The following MFSD6 variants were observed in gnomAD, a reference collection of about 807,000 sequenced individuals.
The protein encoded by MFSD6 is major facilitator superfamily domain-containing protein 6.
In MFSD6, 26 loss-of-function variants were observed where a neutral mutation model predicts 56.3. The observed-to-expected ratio is 0.46, with a 90% CI of 0.34 to 0.64. The LOEUF (loss-of-function observed/expected upper bound fraction) is 0.64. Ranked by LOEUF, MFSD6 falls within the 30% of genes least tolerant of loss-of-function variation. The pLI, the probability that MFSD6 is intolerant of heterozygous loss-of-function variation, is 0.01. For synonymous variants in MFSD6, 331 were observed against 366.9 expected (o/e 0.90, Z 1.12); for missense variants, 750 against 986.2 (o/e 0.76, Z 3.21).
chr2:190,437,299 C>A lies in MFSD6; in HGVS notation c.1270C>A (p.Pro424Thr). 1 of 1,614,256 alleles carries A rather than the reference C, an allele frequency of 6.2e-7. No homozygotes were observed. Among genetic ancestry groups the A allele is most frequent in the Non-Finnish European group, 8.5e-7 (1 of 1,180,046 alleles). The change falls in exon 3 of 8, where the codon CCA becomes ACA. Residue 424 changes from proline to threonine, a missense_variant. By Grantham distance (38) the Pro-to-Thr change is conservative (BLOSUM62 -1). Transcript: ENST00000392328. The surrounding 1 kb of genome is among the most constrained non-coding windows in gnomAD (Gnocchi z 5.9). ...CTCTACAGAGTCCTCTGAGGAGACACCAACCACCACAAGCCACTCGCAGGC... is the reference window on the plus strand; with the variant it reads ...CTCTACAGAGTCCTCTGAGGAGACAACAACCACCACAAGCCACTCGCAGGC... ...NNSTESSEET[P>T]TTTSHSQAFN...
At position 190,436,409 on chromosome 2, in the gene MFSD6, G is replaced by C. The variant is rs779381360; in HGVS notation, c.380G>C (p.Arg127Pro). 1 of 1,613,942 alleles carries C rather than the reference G, an allele frequency of 6.2e-7. No individual in the cohort carries two copies. Among genetic ancestry groups the C allele is most frequent in the Non-Finnish European group, 8.5e-7 (1 of 1,179,998 alleles). The change falls in exon 3 of 8, where the codon CGC becomes CCC. Residue 127 changes from arginine (R) to proline (P), a missense_variant. This residue lies in a region of MFSD6 where 376 missense variants were observed against 437.9 expected (regional missense o/e 0.86). Coordinates refer to ENST00000392328, the MANE Select transcript of MFSD6 (RefSeq NM_017694.4). The surrounding 1 kb of genome is among the most constrained non-coding windows in gnomAD (Gnocchi z 5.3). ...SAPFWGVVAD[R>P]FKKGKIVLLF... ...CCCTTTTGGGGTGTAGTTGCAGACC[G>C]CTTTAAAAAAGGCAAAATTGTCCTC...
At position 190,461,109 on chromosome 2, in the gene MFSD6, A is replaced by G. The variant is rs1372666239; in HGVS notation, c.1533-8649A>G. Among the ~76,000 whole-genome samples the G allele has an allele frequency of 6.6e-6, 1 of 152,254 alleles. No homozygotes were observed. Among genetic ancestry groups the G allele is most frequent in the East Asian group, 1.9e-4 (1 of 5,204 alleles). On this transcript the variant is annotated intron_variant, in intron 3 of 7. Transcript: ENST00000392328. The surrounding 1 kb of genome is among the most constrained non-coding windows in gnomAD (Gnocchi z 5.5). ...CAATCTCCCAAGAGTTTCAAAAGAA[A>G]GGAATAATTTAAATATGAACTTAGC...
rs1686640809 is a variant in MFSD6 at position 190,447,863 on chromosome 2, A to C, written c.1532+10302A>C. Among the ~76,000 whole-genome samples the C allele has an allele frequency of 6.6e-6, 1 of 152,248 alleles. No homozygotes were observed. Among genetic ancestry groups the C allele is most frequent in the Non-Finnish European group, 1.5e-5 (1 of 68,040 alleles). ...TTGGTTTTTATCATCCCTTGAAAAG[A>C]ACATCTTTGCAAAGAAATATCTTAC... On this transcript the variant is annotated intron_variant, in intron 3 of 7. Transcript: ENST00000392328. This position sits in a 1 kb window ranked among gnomAD's most constrained non-coding sequence, Gnocchi z 4.5.
rs1179465401 is a variant in MFSD6 at position 190,415,066 on chromosome 2, T to C, written c.-175-226T>C. Among the ~76,000 whole-genome samples the C allele has an allele frequency of 2.6e-5, 4 of 152,236 alleles. No individual in the cohort carries two copies. The highest frequency in any genetic ancestry group is 2.1e-4 in the South Asian group (1 of 4,832). The stretch of plus-strand genomic sequence containing the variant: ...CCATAACTTATTTAACTGTCCTTAT[T>C]ATTGATCACTTACTTTGTTTCAGTT... On this transcript the variant is annotated intron_variant, in intron 1 of 7. Coordinates refer to ENST00000392328, the MANE Select transcript of MFSD6 (RefSeq NM_017694.4). This position sits in a 1 kb window ranked among gnomAD's most constrained non-coding sequence, Gnocchi z 4.5.
At position 190,412,728 on chromosome 2, in the gene MFSD6, C is replaced by A; in HGVS notation, c.-175-2564C>A. On this transcript the variant is annotated intron_variant, in intron 1 of 7. Coordinates refer to ENST00000392328, the MANE Select transcript of MFSD6 (RefSeq NM_017694.4). This position sits in a 1 kb window ranked among gnomAD's most constrained non-coding sequence, Gnocchi z 4.1. The stretch of plus-strand genomic sequence containing the variant: ...ACTGGCATTTTGGGGGTGAGAGGGG[C>A]TTGTGTCAGCCTGATTTGTTTTCCT... 1.9e-6 allele frequency: 1 copy of A among 533,372 alleles called. No homozygotes were observed. Among genetic ancestry groups the A allele is most frequent in the Non-Finnish European group, 2.4e-6 (1 of 417,188 alleles). 33.0% of individuals were successfully genotyped at this position (533,372 alleles called of 1,614,324 possible).
At position 190,498,588 on chromosome 2, in the gene MFSD6, T is replaced by C. The variant is rs1689841541; in HGVS notation, c.2172+869T>C. On this transcript the variant is annotated intron_variant, in intron 7 of 7. Transcript: ENST00000392328. This position sits in a 1 kb window ranked among gnomAD's most constrained non-coding sequence, Gnocchi z 5.9. ...TTACTGATAACCATATGCATGCTAG[T>C]CCATGCATGATCCTATTTATTAATT... is the stretch of plus-strand genomic sequence containing the variant. 6.6e-6 allele frequency among the ~76,000 whole-genome samples: 1 copy of C among 152,194 alleles called. No individual in the cohort carries two copies. The highest frequency in any genetic ancestry group is 1.5e-5 in the Non-Finnish European group (1 of 68,030).
intron 3 of MFSD6, among the ~76,000 whole-genome samples, chr2:190,453,332 AAT>A (rs1686851455): frequency 1.3e-5 from 2 of 152,006 alleles, no homozygotes; most frequent in Non-Finnish European, 2.9e-5. Flanking sequence ...GAACTTGTGG[AAT>A]TTCTATGAGA....
chr2:190,472,946 G>A (rs1250104118), intron 4 of MFSD6, among the ~76,000 whole-genome samples: 3 of 152,132 alleles, frequency 2.0e-5, no homozygotes, highest in Non-Finnish European at 4.4e-5. Flanking sequence ...ATTCTTAAAG[G>A]AAAGAATTTT....
intron 3 of MFSD6, among the ~76,000 whole-genome samples, chr2:190,455,606 C>T (rs1485945688): frequency 6.6e-6 from 1 of 152,068 alleles, no homozygotes; most frequent in Non-Finnish European, 1.5e-5. Context: ...GCTTATCCTT[C>T]CTGTTTCAGA....
At chr2:190,455,255 ATTACTATTAAG>A (rs1190345254) in intron 3 of MFSD6, among the ~76,000 whole-genome samples, 1 of 146,712 alleles carries the variant, frequency 6.8e-6, no homozygotes, top group African/African-American at 2.6e-5. Flanking sequence ...GACTTTCATT[ATTACTATTAAG>A]TTATTCATAG....
At chr2:190,429,846 C>CT (rs892998390) in intron 2 of MFSD6, among the ~76,000 whole-genome samples, 3 of 151,138 alleles carry the variant, frequency 2.0e-5, no homozygotes, top group African/African-American at 2.4e-5. Context: ...TGCTCTTGTT[C>CT]TTTTTTTTTC....
At chr2:190,449,231 T>G (rs989356036) in intron 3 of MFSD6, among the ~76,000 whole-genome samples, 7 of 152,332 alleles carry the variant, frequency 4.6e-5, no homozygotes, top group African/African-American at 7.2e-5. Context: ...CCCAGCACTT[T>G]GGCAGGCTGA....
rs1490935920 is a variant in MFSD6, at chr2:190,485,095, A to C, written c.1631-3562A>C. Among the ~76,000 whole-genome samples, 1 of 152,198 alleles carries C rather than the reference A, an allele frequency of 6.6e-6. No individual in the cohort carries two copies. The highest frequency in any genetic ancestry group is 1.9e-4 in the East Asian group (1 of 5,204). Reference sequence around the variant, plus strand: ...TCAGTAAATTCTAAGAATAGTTTAAAAGCATCCTGACTTAAGTCATCCCAC... The same window carrying C: ...TCAGTAAATTCTAAGAATAGTTTAACAGCATCCTGACTTAAGTCATCCCAC... On this transcript the variant is annotated intron_variant, in intron 4 of 7. Transcript: ENST00000392328. The surrounding 1 kb of genome is among the most constrained non-coding windows in gnomAD (Gnocchi z 5.1).
At chr2:190,464,578 T>C (rs544250769) in intron 3 of MFSD6, among the ~76,000 whole-genome samples, 1 of 152,308 alleles carries the variant, frequency 6.6e-6, no homozygotes, top group South Asian at 2.1e-4. Context: ...GATTCTATGG[T>C]GAACCCTTGT....
In MFSD6 at chr2:190,485,423, C is replaced by T. The variant is rs1298082171; in HGVS notation, c.1631-3234C>T. Among the ~76,000 whole-genome samples the T allele has an allele frequency of 1.3e-5, 2 of 152,030 alleles. No homozygotes were observed. Among genetic ancestry groups the T allele is most frequent in the East Asian group, 1.9e-4 (1 of 5,192 alleles). On this transcript the variant is annotated intron_variant, in intron 4 of 7. Coordinates refer to ENST00000392328, the MANE Select transcript of MFSD6 (RefSeq NM_017694.4). This position sits in a 1 kb window ranked among gnomAD's most constrained non-coding sequence, Gnocchi z 5.1. The stretch of plus-strand genomic sequence containing the variant: ...ATGTGTTTTCAGGTTTTCGGTAATT[C>T]ATCTTTAAGAAATGATTTCCAAATC...
intron 4 of MFSD6, among the ~76,000 whole-genome samples, chr2:190,479,651 T>G (rs1482065294): frequency 6.6e-6 from 1 of 152,182 alleles, no homozygotes; most frequent in Non-Finnish European, 1.5e-5. Context: ...TTAGTGTTAG[T>G]TCTGAGCAAG....
Position 190,499,985 on chromosome 2 carries a change from C to G in MFSD6, c.2173-30C>G. The G allele has an allele frequency of 1.9e-5, 31 of 1,610,930 alleles. No homozygotes were observed. Among genetic ancestry groups the G allele is most frequent in the Non-Finnish European group, 2.6e-5 (31 of 1,177,176 alleles). ...GTTGGATTTATTTGCTATCACTGAT[C>G]ATGGGGCATCTCCTGTTTTTTACCT... On this transcript the variant is annotated intron_variant, in intron 7 of 7. Transcript: ENST00000392328. The surrounding 1 kb of genome is among the most constrained non-coding windows in gnomAD (Gnocchi z 6.0).
At chr2:190,478,558 G>A (rs779531035) in intron 4 of MFSD6, among the ~76,000 whole-genome samples, 3 of 152,124 alleles carry the variant, frequency 2.0e-5, no homozygotes, top group Non-Finnish European at 4.4e-5. Flanking sequence ...TTTAAAGTCC[G>A]TGTGCTTAAA....
In MFSD6 at chr2:190,434,214, G is replaced by T. The variant is rs1406752185; in HGVS notation, c.-53-1763G>T. The stretch of plus-strand genomic sequence containing the variant: ...AAAAAAAGAAAAAAAAGAAAAGAAG[G>T]TGAAAGGAATTAACACATATTTAAT... On this transcript the variant is annotated intron_variant, in intron 2 of 7. Transcript: ENST00000392328. The surrounding 1 kb of genome is among the most constrained non-coding windows in gnomAD (Gnocchi z 4.3). Among the ~76,000 whole-genome samples, 1 of 151,270 alleles carries T rather than the reference G, an allele frequency of 6.6e-6. No individual in the cohort carries two copies. Among genetic ancestry groups the T allele is most frequent in the Admixed American group, 6.6e-5 (1 of 15,182 alleles).
Sources: allele counts gnomAD v4.1 joint callset (sites outside exome capture counted in the v4.1 genomes callset), GRCh38; gene constraint gnomAD v4.1.1; regional missense constraint gnomAD v4.1.1; non-coding constraint Gnocchi (gnomAD v3.1); transcripts MANE v1.5; gene names NCBI Gene and HGNC (gene_info 2026-07-23, HGNC 2026-07-21).